NECTIN1: variants seen among roughly 807,000 people sequenced by gnomAD.
NECTIN1 encodes nectin cell adhesion molecule 1.
A neutral mutation model predicts 48.0 loss-of-function variants in NECTIN1; 23 were observed. The ratio of observed to expected loss-of-function variants is 0.48; its 90% CI spans 0.34 to 0.68. NECTIN1 has a LOEUF of 0.68. Ranked by LOEUF, NECTIN1 falls within the 30% of genes least tolerant of loss-of-function variation. The probability of loss-of-function intolerance (pLI) is 0.01; values close to 1 mark genes in which losing one functional copy is unlikely to be tolerated. For missense variants in NECTIN1, 591 were observed against 709.9 expected (o/e 0.83, Z 1.90); for synonymous variants, 270 against 288.9 (o/e 0.93, Z 0.66).
downstream of NECTIN1, among the ~76,000 whole-genome samples, chr11:119,657,080 G>A (rs993410103): frequency 2.0e-5 from 3 of 152,168 alleles, no homozygotes; most frequent in Admixed American, 6.5e-5. Flanking sequence ...ACTGTCATCC[G>A]GGATCCCAAG....
At chr11:119,658,345 A>G (rs549269869), downstream of NECTIN1, among the ~76,000 whole-genome samples, 47 of 152,292 alleles carry the variant, frequency 3.1e-4, no homozygotes, top group African/African-American at 1.0e-3. Flanking sequence ...CCCATAGAGC[A>G]GGACTTGGCC....
rs115196807 is a variant in NECTIN1, at chr11:119,663,967, C to A, written c.*780G>T. On this transcript the variant is annotated 3_prime_UTR_variant, in exon 6 of 6. Coordinates refer to ENST00000264025, the MANE Select transcript of NECTIN1 (RefSeq NM_002855.5). The stretch of plus-strand genomic sequence containing the variant: ...GTGTGTGCATGTGTGTGTGTGTGCA[C>A]GTGTCAGCAGAGGCAGAGAGCAAGT... 8.5e-4 allele frequency: 838 copies of A among 986,078 alleles called. 8 individuals are homozygous for A. The African/African-American group carries it at 0.014, about 16-fold the overall frequency. The allele number at this position is 986,078 out of a possible 1,614,324, so 61.1% of individuals were successfully genotyped here.
At chr11:119,686,162 A>G (rs554355699) in intron 1 of NECTIN1, among the ~76,000 whole-genome samples, 1 of 152,232 alleles carries the variant, frequency 6.6e-6, no homozygotes, top group African/African-American at 2.4e-5. Context: ...CAGCTCCTAA[A>G]CAGCTTTTGA....
intron 5 of NECTIN1, among the ~76,000 whole-genome samples, chr11:119,646,826 C>T (rs918332893): frequency 6.6e-6 from 1 of 152,234 alleles, no homozygotes; most frequent in Non-Finnish European, 1.5e-5. Flanking sequence ...GTCACTCAAA[C>T]CCTTTGAGCC....
Position 119,662,566 on chromosome 11 carries a change from A to C in NECTIN1, c.*2181T>G. 6.1e-6 allele frequency: 6 copies of C among 985,716 alleles called. No individual in the cohort carries two copies. The highest frequency in any genetic ancestry group is 7.2e-6 in the Non-Finnish European group (6 of 830,008). 61.1% of individuals were successfully genotyped at this position (985,716 alleles called of 1,614,324 possible). ...GGGGAATAGAGGGTGGCAGTGCAGGATAAAGGAGATGCAGGAGGAGACAGG... is the reference window on the plus strand; with the variant it reads ...GGGGAATAGAGGGTGGCAGTGCAGGCTAAAGGAGATGCAGGAGGAGACAGG... On this transcript the variant is annotated 3_prime_UTR_variant, in exon 6 of 6. Transcript: ENST00000264025. This position sits in a 1 kb window ranked among gnomAD's most constrained non-coding sequence, Gnocchi z 5.3.
chr11:119,641,112 G>A (rs1013080609), intron 5 of NECTIN1: 4 of 152,188 alleles, frequency 2.6e-5, no homozygotes, highest in Non-Finnish European at 5.9e-5. Context: ...CGGAAGGAGG[G>A]GGTATCTTGC....
At chr11:119,674,419 A>G in intron 5 of NECTIN1, 1 of 1,533,860 alleles carries the variant, frequency 6.5e-7, no homozygotes, top group Non-Finnish European at 8.8e-7. Flanking sequence ...CCATTTATTG[A>G]CAGACTGATC....
In NECTIN1 at chr11:119,709,485, G is replaced by A. The variant is rs137954753; in HGVS notation, c.79+18990C>T. Reference sequence around the variant, plus strand: ...GAGTCCTTTCTGTGGGGCCCTGAGCGTCTGTAACCAGGCTGTGAGGAAGCA... The same window carrying A: ...GAGTCCTTTCTGTGGGGCCCTGAGCATCTGTAACCAGGCTGTGAGGAAGCA... On this transcript the variant is annotated intron_variant, in intron 1 of 5. Coordinates refer to ENST00000264025, the MANE Select transcript of NECTIN1 (RefSeq NM_002855.5). This position sits in a 1 kb window ranked among gnomAD's most constrained non-coding sequence, Gnocchi z 4.1. Among the ~76,000 whole-genome samples the A allele has an allele frequency of 2.5e-3, 378 of 152,304 alleles. 1 individual carries two copies. Among genetic ancestry groups the A allele is most frequent in the African/African-American group, 7.6e-3 (314 of 41,580 alleles).
rs982048138 is a variant in NECTIN1, at chr11:119,683,609, T to G, written c.80-4844A>C. 2.7e-5 allele frequency among the ~76,000 whole-genome samples: 4 copies of G among 146,106 alleles called. No individual in the cohort carries two copies. Among genetic ancestry groups the G allele is most frequent in the South Asian group, 2.2e-4 (1 of 4,568 alleles). Reference sequence around the variant, plus strand: ...GTGTGTGTGTGTGTGTGTGTGTGTGTGGGCACTTGCAGGAGGCTGCTATGT... The same window carrying G: ...GTGTGTGTGTGTGTGTGTGTGTGTGGGGGCACTTGCAGGAGGCTGCTATGT... On this transcript the variant is annotated intron_variant, in intron 1 of 5. Transcript: ENST00000264025. The surrounding 1 kb of genome is among the most constrained non-coding windows in gnomAD (Gnocchi z 4.0).
chr11:119,648,264 A>ATG (rs1565376362), intron 5 of NECTIN1, among the ~76,000 whole-genome samples: 1 of 29,754 alleles, frequency 3.4e-5, no homozygotes, highest in Non-Finnish European at 5.6e-5. Context: ...AGGTGGTAAT[A>ATG]GTGGTGGTGG....
At chr11:119,694,612 T>C (rs993903709) in intron 1 of NECTIN1, among the ~76,000 whole-genome samples, 1 of 152,170 alleles carries the variant, frequency 6.6e-6, no homozygotes, top group African/African-American at 2.4e-5. Flanking sequence ...TGAAGTGATG[T>C]GGGCTGAAGA....
chr11:119,693,855 T>A (rs1865302755), intron 1 of NECTIN1, among the ~76,000 whole-genome samples: 1 of 152,214 alleles, frequency 6.6e-6, no homozygotes, highest in Admixed American at 6.5e-5. Flanking sequence ...TTTTTAATGC[T>A]GGGAAAGGGT....
Position 119,662,713 on chromosome 11 carries a change from G to A in NECTIN1, c.*2034C>T, listed in dbSNP as rs890278640. On this transcript the variant is annotated 3_prime_UTR_variant, in exon 6 of 6. Transcript: ENST00000264025. This position sits in a 1 kb window ranked among gnomAD's most constrained non-coding sequence, Gnocchi z 5.3. ...TGGGGCAGTGATGTAATGTGGAAAA[G>A]GTCCCCTGTCCTGGGGGACACTAAT... is the stretch of plus-strand genomic sequence containing the variant. 2.0e-6 allele frequency: 2 copies of A among 985,370 alleles called. No individual in the cohort carries two copies. The highest frequency in any genetic ancestry group is 2.4e-6 in the Non-Finnish European group (2 of 830,008). 61.0% of individuals were successfully genotyped at this position (985,370 alleles called of 1,614,324 possible). A position where few individuals can be genotyped will look rare whatever the true frequency, so the allele number is the denominator to read the frequency against.
chr11:119,678,873 TA>T lies in NECTIN1; in HGVS notation c.80-109del. 3 of 753,492 alleles carry T rather than the reference TA, an allele frequency of 4.0e-6. No homozygotes were observed. The South Asian group carries it at 4.5e-5, about 11-fold the overall frequency. The allele number at this position is 753,492 out of a possible 1,614,324, so 46.7% of individuals were successfully genotyped here. A position where few individuals can be genotyped will look rare whatever the true frequency, so the allele number is the denominator to read the frequency against. ...CTTTTATAGCAGTCATTATTGTTTT[TA>T]TTCCGATTGTAAAAATATTAATTAC... On this transcript the variant is annotated intron_variant, in intron 1 of 5. Transcript: ENST00000264025. The surrounding 1 kb of genome is among the most constrained non-coding windows in gnomAD (Gnocchi z 4.4).
chr11:119,651,438 G>T (rs1006477664), intron 5 of NECTIN1, among the ~76,000 whole-genome samples: 18 of 152,220 alleles, frequency 1.2e-4, no homozygotes, highest in Non-Finnish European at 2.5e-4. Flanking sequence ...CTTGGGGGGG[G>T]TCTGTCCTCG....
chr11:119,728,442 G>A, intron 1 of NECTIN1, 33 bp downstream of exon 1: 1 of 1,559,324 alleles, frequency 6.4e-7, no homozygotes. Context: ...GGCATTGGAT[G>A]GGGGTGGGGA....
At chr11:119,643,812 G>A (rs1013270820) in intron 5 of NECTIN1, among the ~76,000 whole-genome samples, 1 of 152,246 alleles carries the variant, frequency 6.6e-6, no homozygotes, top group Non-Finnish European at 1.5e-5. Context: ...CGGGAGAGCT[G>A]GAATCAGTGT....
intron 5 of NECTIN1, among the ~76,000 whole-genome samples, chr11:119,667,839 T>A (rs954823167): frequency 6.6e-6 from 1 of 152,198 alleles, no homozygotes; most frequent in Admixed American, 6.5e-5. Flanking sequence ...GGGTACATAG[T>A]TCTCGCCCAA....
intron 1 of NECTIN1, among the ~76,000 whole-genome samples, chr11:119,710,226 T>A (rs935973330): frequency 6.6e-6 from 1 of 152,210 alleles, no homozygotes; most frequent in African/African-American, 2.4e-5. Context: ...AACGCTGCGG[T>A]ATGCACACAG....
Sources: gnomAD v4.1 joint callset for allele counts (sites outside exome capture counted in the v4.1 genomes callset) on GRCh38, gnomAD v4.1.1 for gene constraint, Gnocchi (gnomAD v3.1) non-coding constraint, MANE v1.5 for transcripts, NCBI Gene and HGNC (gene_info 2026-07-23, HGNC 2026-07-21) for gene names.